The following ZNF175 variants were observed in gnomAD, a reference collection of about 807,000 sequenced individuals.
ZNF175 encodes the protein zinc finger protein OTK18.
In ZNF175, 8 loss-of-function variants were observed where a neutral mutation model predicts 14.0. The observed-to-expected ratio is 0.57, with a 90% confidence interval of 0.34 to 1.03. The LOEUF (loss-of-function observed/expected upper bound fraction) is 1.03. Among genes scored for constraint, ZNF175 ranks in the 50% least tolerant of loss-of-function variants. The probability of loss-of-function intolerance (pLI) is 0.03; values close to 1 mark genes in which losing one functional copy is unlikely to be tolerated. For missense variants in ZNF175, 764 were observed against 849.5 expected (o/e 0.90, Z 1.25); for synonymous variants, 255 against 296.8 (o/e 0.86, Z 1.45).
chr19:51,585,126 A>G (rs1434647445), intron 4 of ZNF175, among the ~76,000 whole-genome samples: 2 of 152,348 alleles, frequency 1.3e-5, no homozygotes, highest in Non-Finnish European at 2.9e-5. Context: ...ACATACAATG[A>G]AATATTATTC....
At chr19:51,581,362 TCA>T (rs1457103985) in intron 2 of ZNF175, 27 bp from the exon 3 acceptor site, 2 of 1,614,182 alleles carry the variant, frequency 1.2e-6, no homozygotes, top group Admixed American at 1.7e-5. Context: ...ATGACCTAAT[TCA>T]CAGTGAGCTG....
At position 51,591,986 on chromosome 19, in the gene ZNF175, T is replaced by A. The variant is rs940895842; in HGVS notation, c.*3519T>A. On this transcript the variant is annotated 3_prime_UTR_variant, in exon 5 of 5. Transcript: ENST00000262259. ...GGTTTCACCGTGTTGGCCAGGATGG[T>A]CTCGATCTCCTGACCTCGTGATCCC... 1 of 151,916 alleles carries A rather than the reference T, an allele frequency of 6.6e-6. No individual in the cohort carries two copies. The highest frequency in any genetic ancestry group is 2.4e-5 in the African/African-American group (1 of 41,366). 9.4% of individuals were successfully genotyped at this position (151,916 alleles called of 1,614,324 possible).
chr19:51,577,634 AT>A (rs1483925904), intron 2 of ZNF175, among the ~76,000 whole-genome samples: 1 of 149,556 alleles, frequency 6.7e-6, no homozygotes, highest in Non-Finnish European at 1.5e-5. Context: ...ATGAAAAGTA[AT>A]TTTTTTACAA....
intron 2 of ZNF175, among the ~76,000 whole-genome samples, chr19:51,579,852 GC>G (rs1399246282): frequency 1.3e-5 from 2 of 152,094 alleles, no homozygotes; most frequent in African/African-American, 4.8e-5. Flanking sequence ...GCACTTGAAT[GC>G]GGCTGGTTCA....
chr19:51,572,514 A>G (rs1030913910), intron 1 of ZNF175, among the ~76,000 whole-genome samples: 1 of 152,202 alleles, frequency 6.6e-6, no homozygotes, highest in Non-Finnish European at 1.5e-5. Flanking sequence ...CCAGAAGCTC[A>G]GAATAGGTAC....
rs181669484 is a variant in ZNF175 at position 51,589,991 on chromosome 19, T to C, written c.*1524T>C. ...ATCTCTTACGTGTGTGGATGGTATT[T>C]TTTTCATTCTACAATCCATGATGGA... On this transcript the variant is annotated 3_prime_UTR_variant, in exon 5 of 5. Coordinates refer to ENST00000262259, the MANE Select transcript of ZNF175 (RefSeq NM_007147.4). 2.1e-5 allele frequency: 4 copies of C among 191,320 alleles called. No individual in the cohort carries two copies. In the East Asian group the frequency reaches 3.8e-4, roughly 18 times the overall value. 11.9% of individuals were successfully genotyped at this position (191,320 alleles called of 1,614,324 possible).
At position 51,588,020 on chromosome 19, in the gene ZNF175, A is replaced by C. The variant is rs775203833; in HGVS notation, c.1689A>C (p.Glu563Asp). The change falls in exon 5 of 5, where the codon GAA becomes GAC. Residue 563 changes from glutamate to aspartate, a missense_variant. Physicochemically the swap from Glu to Asp is conservative, Grantham distance 45 (BLOSUM62 2). Coordinates refer to ENST00000262259, the MANE Select transcript of ZNF175 (RefSeq NM_007147.4). ...HTGEKPYKCSECGKAFTSKSQ... is the reference protein window; with the variant it reads ...HTGEKPYKCSDCGKAFTSKSQ... ...GAGAGAAGCCTTACAAATGCAGTGA[A>C]TGTGGGAAAGCCTTCACTTCTAAGT... The C allele has an allele frequency of 7.4e-6, 12 of 1,614,220 alleles. No homozygotes were observed. The highest frequency in any genetic ancestry group is 3.3e-5 in the Admixed American group (2 of 60,034).
chr19:51,578,300 T>C (rs1311803097), intron 2 of ZNF175, among the ~76,000 whole-genome samples: 1 of 151,944 alleles, frequency 6.6e-6, no homozygotes, highest in Admixed American at 6.6e-5. Flanking sequence ...CTTGGGAGGC[T>C]GAGGCAGGAG....
chr19:51,576,146 T>G lies in ZNF175; in HGVS notation c.72+2745T>G, dbSNP rs570390814. Among the ~76,000 whole-genome samples, 11 of 122,776 alleles carry G rather than the reference T, an allele frequency of 9.0e-5. No homozygotes were observed. The East Asian group carries it at 1.5e-3, about 16-fold the overall frequency. The allele number at this position is 122,776 out of a possible 152,430, so 80.5% of individuals were successfully genotyped here. ...CCTCGCTATTTCAGGGACAGTTTTT[T>G]TTTTTGTTTTTTTTTTTTTTTGAGA... On this transcript the variant is annotated intron_variant, in intron 2 of 4. Transcript: ENST00000262259.
chr19:51,580,336 G>C (rs991389159), intron 2 of ZNF175, among the ~76,000 whole-genome samples: 2 of 152,022 alleles, frequency 1.3e-5, no homozygotes, highest in African/African-American at 4.8e-5. Context: ...CTCTCTCCTT[G>C]TGATAAAATT....
chr19:51,578,012 T>C (rs930701166), intron 2 of ZNF175, among the ~76,000 whole-genome samples: 1 of 151,908 alleles, frequency 6.6e-6, no homozygotes, highest in Non-Finnish European at 1.5e-5. Context: ...TCCACATAGG[T>C]AATTATAGTT....
chr19:51,575,602 T>C (rs2033190770), intron 2 of ZNF175, among the ~76,000 whole-genome samples: 1 of 152,214 alleles, frequency 6.6e-6, no homozygotes, highest in African/African-American at 2.4e-5. Flanking sequence ...GATCAGATGG[T>C]TTTGTGAAGC....
intron 2 of ZNF175, among the ~76,000 whole-genome samples, chr19:51,579,395 T>C (rs1025191141): frequency 7.2e-5 from 11 of 152,110 alleles, no homozygotes; most frequent in African/African-American, 2.7e-4. Flanking sequence ...CAATCCAGCT[T>C]GGGCAACAGA....
chr19:51,575,423 T>C (rs765127949), intron 2 of ZNF175, among the ~76,000 whole-genome samples: 4 of 152,156 alleles, frequency 2.6e-5, no homozygotes, highest in Non-Finnish European at 4.4e-5. Context: ...TTCACCATGT[T>C]AGCCAAGATG....
chr19:51,584,236 G>C (rs921627739), intron 4 of ZNF175, among the ~76,000 whole-genome samples: 3 of 152,188 alleles, frequency 2.0e-5, no homozygotes, highest in Non-Finnish European at 1.5e-5. Flanking sequence ...TGTCAGCCTA[G>C]AGGTGGAGTG....
At position 51,592,441 on chromosome 19, in the gene ZNF175, C is replaced by T. The variant is rs543981259; in HGVS notation, c.*3974C>T. On this transcript the variant is annotated 3_prime_UTR_variant, in exon 5 of 5. Coordinates refer to ENST00000262259, the MANE Select transcript of ZNF175 (RefSeq NM_007147.4). ...GTCCACCATGAGTACAACACAAATG[C>T]TCGTTCTTAATGATTCAACAAACAT... 13 of 541,584 alleles carry T rather than the reference C, an allele frequency of 2.4e-5. No homozygotes were observed. The highest frequency in any genetic ancestry group is 4.2e-5 in the Non-Finnish European group (13 of 310,270). The allele number at this position is 541,584 out of a possible 1,614,324, so 33.5% of individuals were successfully genotyped here.
intron 2 of ZNF175, among the ~76,000 whole-genome samples, chr19:51,575,481 G>T (rs1486269024): frequency 3.3e-5 from 5 of 151,956 alleles, no homozygotes; most frequent in African/African-American, 1.2e-4. Flanking sequence ...TGTCCCAAGA[G>T]AGTTCTTACA....
intron 4 of ZNF175, 67 bp downstream of exon 4, chr19:51,581,949 T>C: frequency 6.9e-7 from 1 of 1,450,524 alleles, no homozygotes; most frequent in East Asian, 2.3e-5. Context: ...CTACCATACT[T>C]TTCTATTCCC....
In ZNF175 at chr19:51,586,837, C is replaced by G; in HGVS notation, c.506C>G (p.Thr169Arg). Reference protein sequence around the residue: ...SAFFNKKTLNTESNCEYKDPG... With the variant: ...SAFFNKKTLNRESNCEYKDPG... The stretch of plus-strand genomic sequence containing the variant: ...TTCTTCAACAAGAAAACATTGAACA[C>G]AGAAAGCAATTGTGAATATAAGGAC... The change falls in exon 5 of 5, where the codon ACA becomes AGA. Residue 169 changes from threonine (T) to arginine (R), a missense_variant. By Grantham distance (71) the Thr-to-Arg change is moderately conservative (BLOSUM62 -1). Coordinates refer to ENST00000262259, the MANE Select transcript of ZNF175 (RefSeq NM_007147.4). 1 of 1,614,136 alleles carries G rather than the reference C, an allele frequency of 6.2e-7. No homozygotes were observed. Among genetic ancestry groups the G allele is most frequent in the Non-Finnish European group, 8.5e-7 (1 of 1,180,008 alleles).
Sources: allele counts gnomAD v4.1 joint callset (sites outside exome capture counted in the v4.1 genomes callset), GRCh38; gene constraint gnomAD v4.1.1; transcripts MANE v1.5; gene names NCBI Gene and HGNC (gene_info 2026-07-23, HGNC 2026-07-21).